The following OTUD7B variants were observed in gnomAD, a reference collection of about 807,000 sequenced individuals.
OTUD7B encodes the protein OTU domain-containing protein 7B.
In OTUD7B, 34 loss-of-function variants were observed where a neutral mutation model predicts 82.2. That is an observed-to-expected ratio of 0.41 (90% CI 0.31 to 0.55). The LOEUF (loss-of-function observed/expected upper bound fraction) is 0.55. Among genes scored for constraint, OTUD7B ranks in the 20% least tolerant of loss-of-function variants. OTUD7B has a pLI of 0.20. For missense variants in OTUD7B, 944 were observed against 1,062.1 expected, an observed-to-expected ratio of 0.89 and a Z score of 1.55; for synonymous variants, 398 against 402.7, an observed-to-expected ratio of 0.99 and a Z score of 0.14.
In OTUD7B at chr1:149,943,762, C is replaced by T. The variant is rs990387060; in HGVS notation, c.*95G>A. 1.6e-6 allele frequency: 2 copies of T among 1,275,402 alleles called. No homozygotes were observed. Among genetic ancestry groups the T allele is most frequent in the Non-Finnish European group, 1.1e-6 (1 of 897,626 alleles). 79.0% of individuals were successfully genotyped at this position (1,275,402 alleles called of 1,614,324 possible). A position where few individuals can be genotyped will look rare whatever the true frequency, so the allele number is the denominator to read the frequency against. On this transcript the variant is annotated 3_prime_UTR_variant, in exon 12 of 12. Transcript: ENST00000581312. ...AGCCAGGCTCCCACAAACATTACTGCATTTTCCCCCTCAACATGGGGACTG... is the reference window on the plus strand; with the variant it reads ...AGCCAGGCTCCCACAAACATTACTGTATTTTCCCCCTCAACATGGGGACTG...
chr1:149,991,151 T>A (rs1651545631), intron 1 of OTUD7B, among the ~76,000 whole-genome samples: 1 of 152,018 alleles, frequency 6.6e-6, no homozygotes, highest in African/African-American at 2.4e-5. Flanking sequence ...TAAATAACTC[T>A]TACTATTTTG....
chr1:150,036,338 G>A, the OTUD7B span, among the ~76,000 whole-genome samples: 1 of 149,374 alleles, frequency 6.7e-6, no homozygotes. Context: ...TCGGCTGACT[G>A]CAACGTCCAC....
chr1:149,994,756 G>A (rs1305884800), intron 1 of OTUD7B, among the ~76,000 whole-genome samples: 5 of 151,992 alleles, frequency 3.3e-5, no homozygotes, highest in Non-Finnish European at 5.9e-5. Flanking sequence ...GACTACCGGC[G>A]AATGCCACCA....
rs1553771397 is a variant in OTUD7B, at chr1:149,944,390, G to A, written c.1999C>T (p.Pro667Ser). 1 of 1,614,028 alleles carries A rather than the reference G, an allele frequency of 6.2e-7. No homozygotes were observed. The highest frequency in any genetic ancestry group is 1.3e-5 in the African/African-American group (1 of 75,020). Residue 667 changes from proline to serine, a missense_variant, in exon 12 of 12, where the codon CCA becomes TCA. Pro to Ser is a moderately conservative substitution (Grantham distance 74). Coordinates refer to ENST00000581312, the MANE Select transcript of OTUD7B (RefSeq NM_020205.4). ...IGGGPPPAKK[P>S]EPDAREEQPT... ...TGCTCTTCCCTAGCATCTGGCTCTG[G>A]CTTTTTGGCTGGAGGAGGGCCACCC...
At chr1:149,979,929 TA>T (rs367616835) in intron 1 of OTUD7B, among the ~76,000 whole-genome samples, 1 of 151,746 alleles carries the variant, frequency 6.6e-6, no homozygotes, top group Non-Finnish European at 1.5e-5. Context: ...CTTCTCTCTT[TA>T]AAAAAAAGCA....
the OTUD7B span, among the ~76,000 whole-genome samples, chr1:150,036,565 AC>A: frequency 6.6e-6 from 1 of 152,086 alleles, no homozygotes; most frequent in Non-Finnish European, 1.5e-5. Flanking sequence ...GCCCATTGTA[AC>A]TTTTTTGAAG....
intron 1 of OTUD7B, among the ~76,000 whole-genome samples, chr1:150,006,753 G>A (rs1020922597): frequency 6.6e-6 from 1 of 152,152 alleles, no homozygotes; most frequent in South Asian, 2.1e-4. Context: ...CTTCCCCACA[G>A]GTTGGTGCAC....
At chr1:150,035,183 C>T in the OTUD7B span, among the ~76,000 whole-genome samples, 1 of 151,390 alleles carries the variant, frequency 6.6e-6, no homozygotes, top group Non-Finnish European at 1.5e-5. Flanking sequence ...AGTACTAATA[C>T]AGTACACTGC....
At chr1:150,051,242 A>AAAG in the OTUD7B span, among the ~76,000 whole-genome samples, 1 of 150,742 alleles carries the variant, frequency 6.6e-6, no homozygotes, top group East Asian at 1.9e-4. Context: ...AAAAAAAAAA[A>AAAG]AAAAAAACCA....
chr1:150,007,758 C>T (rs959995490), intron 1 of OTUD7B, among the ~76,000 whole-genome samples: 1 of 152,186 alleles, frequency 6.6e-6, no homozygotes, highest in Admixed American at 6.5e-5. Context: ...AGAAAAACTG[C>T]CCTGTATCTA....
chr1:149,995,596 C>CAAAACAA (rs1397642321), intron 1 of OTUD7B, among the ~76,000 whole-genome samples: 51 of 150,530 alleles, frequency 3.4e-4, no homozygotes, highest in African/African-American at 1.2e-3. Context: ...CAAAACAAAA[C>CAAAACAA]AAAAAAAAAC....
intron 7 of OTUD7B, among the ~76,000 whole-genome samples, chr1:149,956,627 G>C (rs1357788832): frequency 6.6e-6 from 1 of 152,176 alleles, no homozygotes; most frequent in Non-Finnish European, 1.5e-5. Flanking sequence ...CCCGAAGAGT[G>C]TTTTCCAACT....
intron 11 of OTUD7B, among the ~76,000 whole-genome samples, chr1:149,946,142 G>A (rs1196796595): frequency 2.0e-5 from 3 of 151,794 alleles, no homozygotes; most frequent in African/African-American, 7.3e-5. Context: ...ACTTTCGGGG[G>A]CCAAGGCAGG....
chr1:150,063,250 G>A, the OTUD7B span, among the ~76,000 whole-genome samples: 1 of 151,948 alleles, frequency 6.6e-6, no homozygotes, highest in Non-Finnish European at 1.5e-5. Context: ...CCAGGAGTTC[G>A]AGACCAGCCT....
chr1:150,015,395 G>A (rs587686495), upstream of OTUD7B, among the ~76,000 whole-genome samples: 5 of 149,762 alleles, frequency 3.3e-5, no homozygotes, highest in Non-Finnish European at 1.5e-5. Flanking sequence ...CCGGGTTCAA[G>A]CAATTCTCGT....
chr1:149,946,452 C>T (rs868953470), intron 11 of OTUD7B, among the ~76,000 whole-genome samples: 3 of 151,662 alleles, frequency 2.0e-5, no homozygotes, highest in South Asian at 4.2e-4. Flanking sequence ...TTTTAAAAAG[C>T]AGGAAAGGGC....
At chr1:149,983,390 T>C (rs191587736) in intron 1 of OTUD7B, among the ~76,000 whole-genome samples, 1 of 152,272 alleles carries the variant, frequency 6.6e-6, no homozygotes, top group Non-Finnish European at 1.5e-5. Flanking sequence ...GCACAATTCA[T>C]CTAACATTTC....
rs1347620847 is a variant in OTUD7B, at chr1:149,942,071, G to C, written c.*1786C>G. 6.6e-6 allele frequency: 1 copy of C among 152,500 alleles called. No homozygotes were observed. The highest frequency in any genetic ancestry group is 1.5e-5 in the Non-Finnish European group (1 of 68,034). The allele number at this position is 152,500 out of a possible 1,614,324, so 9.4% of individuals were successfully genotyped here. On this transcript the variant is annotated 3_prime_UTR_variant, in exon 12 of 12. Transcript: ENST00000581312. ...GAGCATTTCCAACAAGGACAATCTT[G>C]ACTGGCTACCGAGGAGGAAAACACA...
At chr1:150,022,396 CAAAAAAAAAAAA>C in the OTUD7B span, among the ~76,000 whole-genome samples, 41 of 6,084 alleles carry the variant, frequency 6.7e-3, 9 homozygotes, top group East Asian at 0.17. Context: ...AAACTCTCTA[CAAAAAAAAAAAA>C]AAAAAAAAAA....
Sources: allele counts gnomAD v4.1 joint callset (sites outside exome capture counted in the v4.1 genomes callset), GRCh38; gene constraint gnomAD v4.1.1; transcripts MANE v1.5; gene names NCBI Gene and HGNC (gene_info 2026-07-23, HGNC 2026-07-21).